The following TP53BP2 variants were observed in gnomAD, a reference collection of about 807,000 sequenced individuals.
TP53BP2 encodes apoptosis-stimulating of p53 protein 2.
In TP53BP2, 62 loss-of-function variants were observed where a neutral mutation model predicts 126.2. The observed-to-expected ratio is 0.49, with a 90% CI of 0.40 to 0.61. TP53BP2 has a LOEUF of 0.61. TP53BP2 is among the 20% of genes least tolerant of loss of function. The probability of loss-of-function intolerance (pLI) is 0.00; values close to 1 mark genes in which losing one functional copy is unlikely to be tolerated. For missense variants in TP53BP2, 1,215 were observed against 1,402.8 expected (o/e 0.87, Z 2.14); for synonymous variants, 485 against 502.9 (o/e 0.96, Z 0.48).
chr1:223,812,466 T>A (rs912531532), intron 3 of TP53BP2, among the ~76,000 whole-genome samples: 3 of 151,990 alleles, frequency 2.0e-5, no homozygotes, highest in Admixed American at 6.6e-5. Flanking sequence ...CACTGCAACA[T>A]CCGCCTCCCG....
rs184765949 is a variant in TP53BP2, at chr1:223,789,065, C to T, written c.3106G>A (p.Ala1036Thr). The change falls in exon 16 of 18, where the codon GCA becomes ACA. Residue 1036 changes from alanine to threonine, a missense_variant. Coordinates refer to ENST00000343537, the MANE Select transcript of TP53BP2 (RefSeq NM_001031685.3). ...TCCTCCATTTCCTCGCACTTATCTG[C>T]AGCAGTCTGCATGTCACTGTAGGTC... ...AMTYSDMQTA[A>T]DKCEEMEEGY... 1.2e-6 allele frequency: 2 copies of T among 1,614,174 alleles called. No homozygotes were observed. Among genetic ancestry groups the T allele is most frequent in the African/African-American group, 1.3e-5 (1 of 75,038 alleles).
At chr1:223,827,838 T>C (rs1663553709) in intron 1 of TP53BP2, among the ~76,000 whole-genome samples, 1 of 152,140 alleles carries the variant, frequency 6.6e-6, no homozygotes, top group Non-Finnish European at 1.5e-5. Flanking sequence ...CTGGTTTCAC[T>C]AACCTATCAT....
Position 223,834,825 on chromosome 1 carries a change from C to A in TP53BP2, c.27+10829G>T, listed in dbSNP as rs540894064. 1.1e-4 allele frequency: 108 copies of A among 985,396 alleles called. No homozygotes were observed. The Admixed American group carries it at 2.6e-3, about 24-fold the overall frequency. 61.0% of individuals were successfully genotyped at this position (985,396 alleles called of 1,614,324 possible). ...TCCAATCCATCCATCCCTACCCACA[C>A]ACTCACCTCCAGCCAGAAGTAAATG... On this transcript the variant is annotated intron_variant, in intron 1 of 17. Transcript: ENST00000343537.
Position 223,800,718 on chromosome 1 carries a change from C to T in TP53BP2, c.1318G>A (p.Gly440Arg). 6.2e-7 allele frequency: 1 copy of T among 1,600,798 alleles called. No homozygotes were observed. Among genetic ancestry groups the T allele is most frequent in the Non-Finnish European group, 8.5e-7 (1 of 1,176,780 alleles). Residue 440 changes from glycine to arginine, a missense_variant, in exon 10 of 18, where the codon GGG becomes AGG. This residue lies in a region of TP53BP2 where 814 missense variants were observed against 853.0 expected (regional missense o/e 0.95). Coordinates refer to ENST00000343537, the MANE Select transcript of TP53BP2 (RefSeq NM_001031685.3). Reference sequence around the variant, plus strand: ...ATCTCACCTTGATCCAGAGCATTCCCAGTGCTTTGAGGTACAGAAGCAGAG... The same window carrying T: ...ATCTCACCTTGATCCAGAGCATTCCTAGTGCTTTGAGGTACAGAAGCAGAG... ...QGSASVPQST[G>R]NALDQVDDGE...
rs1418100640 is a variant in TP53BP2 at position 223,799,894 on chromosome 1, G to A, written c.1485+5C>T. 2 of 1,567,552 alleles carry A rather than the reference G, an allele frequency of 1.3e-6. No individual in the cohort carries two copies. The highest frequency in any genetic ancestry group is 1.4e-5 in the African/African-American group (1 of 72,282). The stretch of plus-strand genomic sequence containing the variant: ...AATTTTAAAAACCAGGATATTTGTA[G>A]GTACCTGAGCATCCCGCAAGATATC... On this transcript the variant is annotated splice_donor_5th_base_variant and intron_variant, in intron 11 of 17. Transcript: ENST00000343537.
intron 16 of TP53BP2, among the ~76,000 whole-genome samples, chr1:223,784,688 C>G (rs1421522343): frequency 6.6e-6 from 1 of 152,142 alleles, no homozygotes; most frequent in African/African-American, 2.4e-5. Flanking sequence ...CAATTTCAGC[C>G]TACTCCCAAA....
In TP53BP2 at chr1:223,800,055, C is replaced by CA. The variant is rs753758308; in HGVS notation, c.1337-9dup. 5 of 1,589,774 alleles carry CA rather than the reference C, an allele frequency of 3.1e-6. No individual in the cohort carries two copies. The highest frequency in any genetic ancestry group is 1.9e-5 in the Admixed American group (1 of 52,794). On this transcript the variant is annotated splice_polypyrimidine_tract_variant and intron_variant, in intron 10 of 17. Transcript: ENST00000343537. The stretch of plus-strand genomic sequence containing the variant: ...GAACCTCTCCATCATCAACTAAAGA[C>CA]AAAAAAATCACAATGACATTCAAAC...
At chr1:223,840,163 T>C (rs1482662731) in intron 1 of TP53BP2, among the ~76,000 whole-genome samples, 1 of 152,228 alleles carries the variant, frequency 6.6e-6, no homozygotes, top group East Asian at 1.9e-4. Flanking sequence ...TAAGACGGTA[T>C]GCAAAGTGTT....
rs1436539517 is a variant in TP53BP2 at position 223,804,222 on chromosome 1, C to T, written c.601G>A (p.Ala201Thr). ...TTCTGTTCCACGTGGCCTTTAAGTG[C>T]TCTCACTTTTTTTAGCTTAGCTTCC... is the stretch of plus-strand genomic sequence containing the variant. Reference protein sequence around the residue: ...NQEAKLKKVRALKGHVEQKRL... With the variant: ...NQEAKLKKVRTLKGHVEQKRL... Residue 201 changes from alanine to threonine, a missense_variant, in exon 6 of 18, where the codon GCA becomes ACA. Physicochemically the swap from Ala to Thr is moderately conservative, Grantham distance 58. This residue lies in a region of TP53BP2 where 814 missense variants were observed against 853.0 expected (regional missense o/e 0.95). Coordinates refer to ENST00000343537, the MANE Select transcript of TP53BP2 (RefSeq NM_001031685.3). The T allele has an allele frequency of 2.5e-6, 4 of 1,614,114 alleles. No homozygotes were observed. Among genetic ancestry groups the T allele is most frequent in the East Asian group, 4.5e-5 (2 of 44,878 alleles).
At chr1:223,788,493 A>T (rs2242188) in intron 16 of TP53BP2, among the ~76,000 whole-genome samples, 17,276 of 152,234 alleles carry the variant, frequency 0.11, 1,239 homozygotes, top group East Asian at 0.21. Context: ...TACAGATCTG[A>T]TGTTAGCAAT....
intron 1 of TP53BP2, among the ~76,000 whole-genome samples, chr1:223,827,340 G>A (rs1224392612): frequency 6.6e-6 from 1 of 152,216 alleles, no homozygotes; most frequent in Non-Finnish European, 1.5e-5. Context: ...AAGTCCAGAA[G>A]AGTGCGGGAC....
In TP53BP2 at chr1:223,802,351, A is replaced by G. The variant is rs771696692; in HGVS notation, c.997-7T>C. ...GATTTCCATCAGATGAAACCTTAGGAAAGAAGCACAGGTCCTTTAGTATTA... is the reference window on the plus strand; with the variant it reads ...GATTTCCATCAGATGAAACCTTAGGGAAGAAGCACAGGTCCTTTAGTATTA... On this transcript the variant is annotated splice_region_variant and splice_polypyrimidine_tract_variant and intron_variant, in intron 8 of 17. Transcript: ENST00000343537. 2.5e-6 allele frequency: 4 copies of G among 1,613,046 alleles called. No individual in the cohort carries two copies. Among genetic ancestry groups the G allele is most frequent in the Non-Finnish European group, 3.4e-6 (4 of 1,179,434 alleles).
intron 2 of TP53BP2, among the ~76,000 whole-genome samples, chr1:223,818,024 T>G (rs560712844): frequency 5.2e-4 from 79 of 151,734 alleles, no homozygotes; most frequent in Admixed American, 1.0e-3. Flanking sequence ...TGGAGAACAC[T>G]GATATGTATG....
In TP53BP2 at chr1:223,829,315, T is replaced by C. The variant is rs1032814353; in HGVS notation, c.28-7948A>G. On this transcript the variant is annotated intron_variant, in intron 1 of 17. Transcript: ENST00000343537. ...GAGTGAGACCCTGTCTCAAAAGCTA[T>C]ATATATATTTTTATATGTTTAGTAC... Among the ~76,000 whole-genome samples the C allele has an allele frequency of 3.9e-5, 6 of 152,130 alleles. No individual in the cohort carries two copies. The East Asian group carries it at 9.6e-4, about 24-fold the overall frequency.
intron 8 of TP53BP2, 159 bp downstream of exon 8, chr1:223,802,572 T>C: frequency 9.9e-7 from 1 of 1,005,200 alleles, no homozygotes; most frequent in Non-Finnish European, 1.5e-6. Flanking sequence ...CATTAAAAAG[T>C]AAAAAAGCAG....
At chr1:223,842,112 G>T (rs1664121302) in intron 1 of TP53BP2, among the ~76,000 whole-genome samples, 1 of 151,926 alleles carries the variant, frequency 6.6e-6, no homozygotes, top group Non-Finnish European at 1.5e-5. Context: ...GCTAATTTTT[G>T]TATTTTTGGT....
At chr1:223,791,738 T>C (rs1046095022) in intron 15 of TP53BP2, among the ~76,000 whole-genome samples, 4 of 152,216 alleles carry the variant, frequency 2.6e-5, no homozygotes, top group Non-Finnish European at 5.9e-5. Flanking sequence ...ATTGTTTGTA[T>C]TCTTCCACAA....
chr1:223,792,924 G>A lies in TP53BP2; in HGVS notation c.2862+379C>T, dbSNP rs190104118. On this transcript the variant is annotated intron_variant, in intron 14 of 17. Transcript: ENST00000343537. ...TAGTAGGCTTCTAAAAGTAGAGACC[G>A]CATCTCTAACCTAATACAGTATAGT... 6.6e-5 allele frequency among the ~76,000 whole-genome samples: 10 copies of A among 151,108 alleles called. No individual in the cohort carries two copies. The South Asian group carries it at 8.3e-4, about 13-fold the overall frequency.
At chr1:223,805,567 C>T (rs1207630075) in intron 5 of TP53BP2, among the ~76,000 whole-genome samples, 1 of 152,166 alleles carries the variant, frequency 6.6e-6, no homozygotes, top group Non-Finnish European at 1.5e-5. Context: ...GCACAGGAAC[C>T]CTAGGAAGTA....
Sources: allele counts gnomAD v4.1 joint callset (sites outside exome capture counted in the v4.1 genomes callset), GRCh38; gene constraint gnomAD v4.1.1; regional missense constraint gnomAD v4.1.1; transcripts MANE v1.5; gene names NCBI Gene and HGNC (gene_info 2026-07-23, HGNC 2026-07-21).